The following NPHP4 variants were observed in gnomAD, a reference collection of about 807,000 sequenced individuals.
NPHP4 encodes the protein nephrocystin-4.
NPHP4 carries 151 observed loss-of-function variants against 155.8 expected under a neutral mutation model. The observed-to-expected ratio is 0.97, with a 90% CI of 0.85 to 1.11. NPHP4 has a LOEUF of 1.11. Among genes scored for constraint, NPHP4 ranks in the 50% least tolerant of loss-of-function variants. The pLI, the probability that NPHP4 is intolerant of heterozygous loss-of-function variation, is 0.00. For synonymous variants in NPHP4, 845 were observed against 816.8 expected (o/e 1.03, Z -0.59); for missense variants, 1,956 against 1,925.7 (o/e 1.02, Z -0.29).
intron 23 of NPHP4, among the ~76,000 whole-genome samples, chr1:5,869,104 T>C (rs1218293643): frequency 8.4e-6 from 1 of 118,376 alleles, no homozygotes; most frequent in East Asian, 2.7e-4. Context: ...CACACATGCA[T>C]GCACCCACAT....
chr1:5,863,774 G>A, intron 29 of NPHP4, 116 bp downstream of exon 29: 1 of 1,157,934 alleles, frequency 8.6e-7, no homozygotes, highest in Non-Finnish European at 1.3e-6. Context: ...CACCGCCCTG[G>A]GGCTTTTGGA....
chr1:5,945,843 A>G (rs1217118637), intron 9 of NPHP4, among the ~76,000 whole-genome samples: 3 of 152,174 alleles, frequency 2.0e-5, no homozygotes, highest in African/African-American at 7.2e-5. Context: ...TCCAGAAGAA[A>G]ACAATCCCTA....
At chr1:5,928,673 T>C (rs1390848036) in intron 10 of NPHP4, among the ~76,000 whole-genome samples, 1 of 152,242 alleles carries the variant, frequency 6.6e-6, no homozygotes, top group Non-Finnish European at 1.5e-5. Context: ...TATTAATCAG[T>C]GTAGCTGTAC....
Position 5,887,336 on chromosome 1 carries a change from C to T in NPHP4, c.2435G>A (p.Gly812Asp). The T allele has an allele frequency of 6.2e-7, 1 of 1,613,606 alleles. No individual in the cohort carries two copies. Among genetic ancestry groups the T allele is most frequent in the Non-Finnish European group, 8.5e-7 (1 of 1,179,874 alleles). The stretch of plus-strand genomic sequence containing the variant: ...CCGGCCCTTCACCACCGAGTGGACG[C>T]CGATGGGCTTGACGCGGCCAAACCC... The part of the protein sequence containing the change: ...MLGFGRVKPI[G>D]VHSVVKGRLH... The change falls in exon 18 of 30, where the codon GGC (glycine) becomes GAC (aspartate). Residue 812 changes from glycine to aspartate, a missense_variant. Gly to Asp is a moderately conservative substitution (Grantham distance 94). Transcript: ENST00000378156.
At position 5,947,386 on chromosome 1, in the gene NPHP4, C is replaced by T. The variant is rs551207; in HGVS notation, c.993-156G>A. Among the ~76,000 whole-genome samples, 129,400 of 152,262 alleles carry T rather than the reference C, an allele frequency of 0.85. 55,080 individuals are homozygous for T. The highest frequency in any genetic ancestry group is 0.87 in the Middle Eastern group (256 of 294). ...TCCACCATGTAACACTGCACGCTCT[C>T]CCAAATGATTCAGAAATTCCCCAAA... On this transcript the variant is annotated intron_variant, in intron 8 of 29. Coordinates refer to ENST00000378156, the MANE Select transcript of NPHP4 (RefSeq NM_015102.5).
intron 19 of NPHP4, among the ~76,000 whole-genome samples, chr1:5,878,255 C>T (rs1203427086): frequency 6.6e-6 from 1 of 152,182 alleles, no homozygotes; most frequent in Non-Finnish European, 1.5e-5. Flanking sequence ...GCAACGTGAC[C>T]CCCGCCTCCT....
intron 20 of NPHP4, chr1:5,876,884 C>T (rs1186691729): frequency 2.4e-6 from 1 of 409,962 alleles, no homozygotes; most frequent in Non-Finnish European, 4.4e-6. Flanking sequence ...GGGGTGACGC[C>T]CAAGAACTGG....
chr1:5,874,510 C>A lies in NPHP4; in HGVS notation c.3192G>T (p.Lys1064Asn), dbSNP rs1356833596. Residue 1064 changes from lysine (K) to asparagine (N), a missense_variant, in exon 22 of 30, where the codon AAG becomes AAT. Transcript: ENST00000378156. The stretch of plus-strand genomic sequence containing the variant: ...GCTGCCCTGCAGAGAAGCTCTGGAA[C>A]TTGAAGGGGACGTGGGCGGTCTCGT... ...RPHETAHVPF[K>N]FQSFSAGQLA... 6.3e-7 allele frequency: 1 copy of A among 1,575,848 alleles called. No individual in the cohort carries two copies. Among genetic ancestry groups the A allele is most frequent in the Admixed American group, 1.8e-5 (1 of 54,978 alleles).
intron 2 of NPHP4, among the ~76,000 whole-genome samples, chr1:5,979,658 G>A (rs1384975892): frequency 1.3e-5 from 2 of 152,036 alleles, no homozygotes; most frequent in Non-Finnish European, 2.9e-5. Context: ...AAGTAGCTGG[G>A]ACCACAGGTG....
chr1:5,922,072 A>G (rs1283723169), intron 11 of NPHP4, among the ~76,000 whole-genome samples: 1 of 152,246 alleles, frequency 6.6e-6, no homozygotes, highest in East Asian at 1.9e-4. Flanking sequence ...TAGTCTTTGT[A>G]AGTGAAAGGC....
intron 23 of NPHP4, among the ~76,000 whole-genome samples, chr1:5,869,272 C>A (rs1641747157): frequency 6.6e-6 from 1 of 151,338 alleles, no homozygotes; most frequent in South Asian, 2.1e-4. Flanking sequence ...CACATGCATG[C>A]ATGCATCCAT....
At chr1:5,932,680 G>A (rs949906538) in intron 10 of NPHP4, among the ~76,000 whole-genome samples, 1 of 150,208 alleles carries the variant, frequency 6.7e-6, no homozygotes, top group Non-Finnish European at 1.5e-5. Context: ...AAAAAAACCT[G>A]AGAATCTCTG....
chr1:5,947,033 G>A, intron 9 of NPHP4, 71 bp downstream of exon 9: 1 of 1,527,972 alleles, frequency 6.5e-7, no homozygotes, highest in Non-Finnish European at 9.1e-7. Flanking sequence ...AAGCATTCAT[G>A]CCCACTACAT....
intron 9 of NPHP4, among the ~76,000 whole-genome samples, chr1:5,934,559 G>C (rs1019441799): frequency 6.6e-6 from 1 of 152,192 alleles, no homozygotes; most frequent in African/African-American, 2.4e-5. Flanking sequence ...CTGGCTAACA[G>C]AGACAGCTGC....
intron 22 of NPHP4, chr1:5,873,695 CA>C (rs1642242805): frequency 5.6e-6 from 2 of 357,526 alleles, no homozygotes; most frequent in East Asian, 7.4e-5. Flanking sequence ...GAGCTGACCC[CA>C]AAAGGTCAAA....
At chr1:5,873,158 C>G in intron 23 of NPHP4, 94 bp downstream of exon 23, 1 of 1,143,448 alleles carries the variant, frequency 8.7e-7, no homozygotes, top group Non-Finnish European at 1.3e-6. Flanking sequence ...GGCCCCAGCC[C>G]TCCCCTCCAG....
At position 5,877,148 on chromosome 1, in the gene NPHP4, G is replaced by A. The variant is rs1242346715; in HGVS notation, c.2762C>T (p.Ser921Phe). 4 of 1,603,252 alleles carry A rather than the reference G, an allele frequency of 2.5e-6. No individual in the cohort carries two copies. The highest frequency in any genetic ancestry group is 3.4e-6 in the Non-Finnish European group (4 of 1,172,462). The change falls in exon 20 of 30, where the codon TCT becomes TTT. Residue 921 changes from serine (S) to phenylalanine (F), a missense_variant. Transcript: ENST00000378156. The stretch of plus-strand genomic sequence containing the variant: ...TCCCCCGGCCTCCTGCAGGCGCACA[G>A]ACCTCATCCGCTCCAGCTTACGCCT... Reference protein sequence around the residue: ...TRRRKLERMRSVRLQEAGGDL... With the variant: ...TRRRKLERMRFVRLQEAGGDL...
At chr1:5,988,162 G>T (rs1655756155) in intron 1 of NPHP4, among the ~76,000 whole-genome samples, 1 of 152,250 alleles carries the variant, frequency 6.6e-6, no homozygotes, top group African/African-American at 2.4e-5. Flanking sequence ...TTTAATGTCA[G>T]AGCACGAAGA....
chr1:5,865,057 C>T lies in NPHP4; in HGVS notation c.3816+45G>A, dbSNP rs142323992. 5.9e-4 allele frequency: 936 copies of T among 1,591,856 alleles called. 4 individuals are homozygous for T. In the African/African-American group the frequency reaches 0.011, roughly 19 times the overall value. ...TGAATGCCCACTGCCCGTCTCCAGG[C>T]TGGGGTTGGGGAGAGGCTCAGAACA... On this transcript the variant is annotated intron_variant, in intron 27 of 29. Transcript: ENST00000378156.
Sources: allele counts gnomAD v4.1 joint callset (sites outside exome capture counted in the v4.1 genomes callset), GRCh38; gene constraint gnomAD v4.1.1; transcripts MANE v1.5; gene names NCBI Gene and HGNC (gene_info 2026-07-23, HGNC 2026-07-21).